The following SOS2 variants were observed in gnomAD, a reference collection of about 807,000 sequenced individuals.
The protein encoded by SOS2 is SOS Ras/Rho guanine nucleotide exchange factor 2, also known as son of sevenless homolog 2.
A neutral mutation model predicts 148.2 loss-of-function variants in SOS2; 65 were observed. The observed-to-expected ratio is 0.44, with a 90% CI of 0.36 to 0.54. The LOEUF is 0.54. Among genes scored for constraint, SOS2 ranks in the 20% least tolerant of loss-of-function variants. The pLI is 0.00. For synonymous variants in SOS2, 539 were observed against 537.1 expected (o/e 1.00, Z -0.05); for missense variants, 1,341 against 1,590.2 (o/e 0.84, Z 2.67).
chr14:50,230,878 C>T, intron 1 of SOS2: 3 of 1,037,664 alleles, frequency 2.9e-6, no homozygotes, highest in Non-Finnish European at 3.5e-6. Context: ...TGTCTAAATA[C>T]CAGCGGGACT....
At chr14:50,127,475 T>TCC (rs1883721960) in intron 21 of SOS2, among the ~76,000 whole-genome samples, 1 of 152,100 alleles carries the variant, frequency 6.6e-6, no homozygotes, top group African/African-American at 2.4e-5. Flanking sequence ...CTCCTTGCCC[T>TCC]CCATCTTCCT....
At chr14:50,169,149 T>C (rs976162472) in intron 8 of SOS2, among the ~76,000 whole-genome samples, 4 of 151,088 alleles carry the variant, frequency 2.6e-5, no homozygotes, top group Non-Finnish European at 4.4e-5. Context: ...CCGTCTCTAC[T>C]AAAAATATTA....
chr14:50,186,104 A>G (rs543131763), intron 5 of SOS2, among the ~76,000 whole-genome samples: 22 of 152,280 alleles, frequency 1.4e-4, no homozygotes, highest in Non-Finnish European at 2.5e-4. Flanking sequence ...GATCATTTTT[A>G]AGTCATTCAC....
rs780303872 is a variant in SOS2 at position 50,118,640 on chromosome 14, G to A, written c.3703C>T (p.Gln1235Ter). ...EHFINCPFNL[Q>*]PPPLGHLHRD... ...TGAAGATGCCCCAGTGGAGGTGGCTGAAGATTAAATGGACAGTTTATAAAG... is the reference window on the plus strand; with the variant it reads ...TGAAGATGCCCCAGTGGAGGTGGCTAAAGATTAAATGGACAGTTTATAAAG... Residue 1235 changes from glutamine to a stop codon, truncating the protein, a stop_gained, in exon 23 of 23, where the codon CAG becomes TAG. Transcript: ENST00000216373. LOFTEE classifies it high-confidence loss of function. The A allele has an allele frequency of 6.2e-7, 1 of 1,614,078 alleles. No individual in the cohort carries two copies. The highest frequency in any genetic ancestry group is 8.5e-7 in the Non-Finnish European group (1 of 1,179,994).
At chr14:50,215,441 A>G (rs1338750022) in intron 1 of SOS2, 1 of 1,269,520 alleles carries the variant, frequency 7.9e-7, no homozygotes, top group Admixed American at 2.5e-5. Flanking sequence ...TTCTACAGAG[A>G]CAGTAAACAT....
intron 5 of SOS2, among the ~76,000 whole-genome samples, chr14:50,186,965 G>T (rs944668895): frequency 7.2e-5 from 11 of 152,186 alleles, no homozygotes; most frequent in Non-Finnish European, 1.3e-4. Context: ...TCACGATGTA[G>T]TTATTTTGTG....
intron 4 of SOS2, among the ~76,000 whole-genome samples, chr14:50,189,061 TCACACACACACACACACACA>T (rs10599812): frequency 3.1e-5 from 4 of 128,686 alleles, no homozygotes; most frequent in South Asian, 2.7e-4. Context: ...CGAGACTCCA[TCACACACACACACACACACA>T]CACACACACA....
intron 1 of SOS2, among the ~76,000 whole-genome samples, chr14:50,212,107 T>TA (rs1337900966): frequency 6.6e-6 from 1 of 151,892 alleles, no homozygotes; most frequent in Non-Finnish European, 1.5e-5. Flanking sequence ...AATACAAAAA[T>TA]AAAAAATAAA....
At chr14:50,189,137 T>C (rs1188912806) in intron 4 of SOS2, among the ~76,000 whole-genome samples, 1 of 148,640 alleles carries the variant, frequency 6.7e-6, no homozygotes, top group Non-Finnish European at 1.5e-5. Context: ...GTTGTGTGTA[T>C]TATAAGTAAA....
intron 2 of SOS2, among the ~76,000 whole-genome samples, chr14:50,204,044 T>C (rs1374472180): frequency 2.6e-5 from 4 of 152,102 alleles, no homozygotes; most frequent in Non-Finnish European, 5.9e-5. Flanking sequence ...CGGCATGAGA[T>C]AGGTTTCAAG....
Position 50,188,596 on chromosome 14 carries a change from A to G in SOS2, c.615T>C (p.Thr205=). The stretch of plus-strand genomic sequence containing the variant: ...GATACTGTCTTTCTTCTGCGATTTC[A>G]GTTCTGACAAGATCATAGTAGTTTA... ...GELNYYDLVR[T]EIAEERQYLR... Residue 205 remains threonine (T), a synonymous_variant, in exon 5 of 23, where the codon ACT becomes ACC. Coordinates refer to ENST00000216373, the MANE Select transcript of SOS2 (RefSeq NM_006939.4). 1 of 1,607,660 alleles carries G rather than the reference A, an allele frequency of 6.2e-7. No homozygotes were observed. The highest frequency in any genetic ancestry group is 1.1e-5 in the South Asian group (1 of 90,186).
chr14:50,169,105 A>G (rs1393683222), intron 8 of SOS2, among the ~76,000 whole-genome samples: 1 of 151,888 alleles, frequency 6.6e-6, no homozygotes, highest in Non-Finnish European at 1.5e-5. Context: ...TGAGGTCAGG[A>G]GTTTGAGACT....
chr14:50,170,523 A>C (rs1487185698), intron 8 of SOS2, among the ~76,000 whole-genome samples: 1 of 151,760 alleles, frequency 6.6e-6, no homozygotes, highest in Non-Finnish European at 1.5e-5. Context: ...CTATCTCTAC[A>C]AAAAATTTAA....
At chr14:50,131,766 G>C (rs1052473141) in intron 19 of SOS2, among the ~76,000 whole-genome samples, 1 of 152,130 alleles carries the variant, frequency 6.6e-6, no homozygotes, top group Admixed American at 6.6e-5. Flanking sequence ...AAAGAAATCA[G>C]CTGTTTACAA....
At chr14:50,202,048 C>T (rs1332881725) in intron 2 of SOS2, among the ~76,000 whole-genome samples, 1 of 152,182 alleles carries the variant, frequency 6.6e-6, no homozygotes, top group Non-Finnish European at 1.5e-5. Flanking sequence ...CTGCAACCTC[C>T]ACTTCCCAGA....
intron 12 of SOS2, among the ~76,000 whole-genome samples, chr14:50,154,973 C>T (rs368578669): frequency 6.6e-6 from 1 of 152,038 alleles, no homozygotes; most frequent in African/African-American, 2.4e-5. Context: ...ATTATATGCA[C>T]ATTTTAGAAC....
At chr14:50,204,096 T>C (rs192488694) in intron 2 of SOS2, among the ~76,000 whole-genome samples, 188 bp downstream of exon 2, 4 of 152,240 alleles carry the variant, frequency 2.6e-5, no homozygotes, top group Admixed American at 2.0e-4. Context: ...TCTAAGTTTT[T>C]TTTTTTCTGA....
rs531488497 is a variant in SOS2 at position 50,203,029 on chromosome 14, C to T, written c.213+1255G>A. Among the ~76,000 whole-genome samples the T allele has an allele frequency of 3.3e-5, 5 of 151,202 alleles. No individual in the cohort carries two copies. In the South Asian group the frequency reaches 6.3e-4, roughly 19 times the overall value. On this transcript the variant is annotated intron_variant, in intron 2 of 22. Coordinates refer to ENST00000216373, the MANE Select transcript of SOS2 (RefSeq NM_006939.4). The stretch of plus-strand genomic sequence containing the variant: ...TAAAAATTAGCTGGGCGCAGTGACA[C>T]GTGCCTGTAGTCCCAGCTACTCGGG...
chr14:50,188,728 AATTT>A, intron 4 of SOS2, 28 bp from the exon 5 acceptor site: 1 of 1,454,194 alleles, frequency 6.9e-7, no homozygotes, highest in African/African-American at 1.4e-5. Context: ...ATAATGTATA[AATTT>A]ATTTTCTTTA....
Sources: gnomAD v4.1 joint callset for allele counts (sites outside exome capture counted in the v4.1 genomes callset) on GRCh38, gnomAD v4.1.1 for gene constraint, MANE v1.5 for transcripts, NCBI Gene and HGNC (gene_info 2026-07-23, HGNC 2026-07-21) for gene names.